Variants in PRDM8 observed in about 807,000 individuals in gnomAD.
PRDM8 encodes PR domain zinc finger protein 8.
A neutral mutation model predicts 46.5 loss-of-function variants in PRDM8; 13 were observed. That is an observed-to-expected ratio of 0.28 (90% CI 0.18 to 0.44). The LOEUF (loss-of-function observed/expected upper bound fraction) is 0.44, where lower values mean the gene tolerates loss of function less well. PRDM8 is among the 20% of genes least tolerant of loss of function. The pLI is 1.00. For synonymous variants in PRDM8, 473 were observed against 438.4 expected (o/e 1.08, Z -0.98); for missense variants, 998 against 955.0 (o/e 1.04, Z -0.59).
In PRDM8 at chr4:80,203,055, C is replaced by G. The variant is rs945000597; in HGVS notation, c.1593C>G (p.Gly531=). 6.4e-7 allele frequency: 1 copy of G among 1,560,436 alleles called. No homozygotes were observed. The highest frequency in any genetic ancestry group is 8.6e-7 in the Non-Finnish European group (1 of 1,162,762). ...GALEPCHPAD[G]VGPTRLYPAA... ...TCGAGCCATGCCACCCCGCCGACGG[C>G]GTGGGCCCCACCAGACTCTATCCCG... The change falls in exon 4 of 4, where the codon GGC becomes GGG. Residue 531 remains glycine, a synonymous_variant. Transcript: ENST00000415738.
chr4:80,190,551 C>T (rs1298446075), intron 1 of PRDM8, among the ~76,000 whole-genome samples: 1 of 152,226 alleles, frequency 6.6e-6, no homozygotes, highest in East Asian at 1.9e-4. Flanking sequence ...GTGTCTGCGC[C>T]TCCTGATACT....
In PRDM8 at chr4:80,202,482, C is replaced by T. The variant is rs1458285670; in HGVS notation, c.1020C>T (p.Pro340=). The change falls in exon 4 of 4, where the codon CCC becomes CCT. Residue 340 remains proline (P), a synonymous_variant. Transcript: ENST00000415738. The stretch of plus-strand genomic sequence containing the variant: ...GCCGGGGCCGCTTCGTAGAGCGGCC[C>T]CTCCCGGCCTCCAAGGAGGATCTGG... ...VGGRGRFVER[P]LPASKEDLVC... 1.3e-6 allele frequency: 2 copies of T among 1,542,166 alleles called. No individual in the cohort carries two copies. Among genetic ancestry groups the T allele is most frequent in the Non-Finnish European group, 1.7e-6 (2 of 1,146,492 alleles).
In PRDM8 at chr4:80,201,535, C is replaced by G. The variant is rs988824211; in HGVS notation, c.451+14C>G. 1 of 1,609,878 alleles carries G rather than the reference C, an allele frequency of 6.2e-7. No individual in the cohort carries two copies. Among genetic ancestry groups the G allele is most frequent in the Non-Finnish European group, 8.5e-7 (1 of 1,176,326 alleles). On this transcript the variant is annotated intron_variant, in intron 3 of 3. Transcript: ENST00000415738. ...ACAAAATGAATGGTAGGTTGGCTCG[C>G]GACCGGCGTGTGGGCCCTTAACTAG...
intron 3 of PRDM8, among the ~76,000 whole-genome samples, 195 bp from the exon 4 acceptor site, chr4:80,201,719 C>G (rs1738469521): frequency 6.6e-6 from 1 of 152,134 alleles, no homozygotes; most frequent in African/African-American, 2.4e-5. Flanking sequence ...TTGCTGTATT[C>G]CCTCCAAATC....
At chr4:80,198,996 T>TGG (rs1738208168) in intron 1 of PRDM8, among the ~76,000 whole-genome samples, 3 of 49,166 alleles carry the variant, frequency 6.1e-5, no homozygotes, top group Non-Finnish European at 1.4e-4. Context: ...TTTTTTTTGT[T>TGG]TTTTTTTTTT....
intron 3 of PRDM8, 46 bp from the exon 4 acceptor site, chr4:80,201,868 G>T: frequency 3.1e-6 from 5 of 1,606,288 alleles, no homozygotes; most frequent in African/African-American, 1.4e-5. Context: ...GCGTGTGTGT[G>T]TGTGTGTGCG....
At chr4:80,196,644 A>T, upstream of PRDM8, 1 of 980,350 alleles carries the variant, frequency 1.0e-6, no homozygotes, top group African/African-American at 1.7e-5. Context: ...CCCAACCCCA[A>T]GACCTCAGAG....
chr4:80,202,679 G>C lies in PRDM8; in HGVS notation c.1217G>C (p.Gly406Ala). 1 of 1,416,854 alleles carries C rather than the reference G, an allele frequency of 7.1e-7. No homozygotes were observed. The highest frequency in any genetic ancestry group is 2.0e-4 in the Middle Eastern group (1 of 4,952). 87.8% of individuals were successfully genotyped at this position (1,416,854 alleles called of 1,614,324 possible). A position where few individuals can be genotyped will look rare whatever the true frequency, so the allele number is the denominator to read the frequency against. Reference sequence around the variant, plus strand: ...CTGCAGGAGGAGGGGACAGCCGACGGCGCGGGAGTCGCCTCCGAGGACCAG... The same window carrying C: ...CTGCAGGAGGAGGGGACAGCCGACGCCGCGGGAGTCGCCTCCGAGGACCAG... ...ASLQEEGTAD[G>A]AGVASEDQDA... Residue 406 changes from glycine (G) to alanine (A), a missense_variant, in exon 4 of 4, where the codon GGC (glycine) becomes GCC (alanine). Transcript: ENST00000415738.
At position 80,202,621 on chromosome 4, in the gene PRDM8, G is replaced by C; in HGVS notation, c.1159G>C (p.Val387Leu). Residue 387 changes from valine to leucine, a missense_variant, in exon 4 of 4, where the codon GTG (valine) becomes CTG (leucine). Physicochemically the swap from Val to Leu is conservative, Grantham distance 32 (BLOSUM62 1). Transcript: ENST00000415738. ...ETGEAKRSAF[V>L]EVKKAARAAS... ...GGGCGAGGCGAAGCGCAGCGCCTTCGTGGAGGTGAAGAAGGCTGCCCGCGC... is the reference window on the plus strand; with the variant it reads ...GGGCGAGGCGAAGCGCAGCGCCTTCCTGGAGGTGAAGAAGGCTGCCCGCGC... The C allele has an allele frequency of 6.5e-7, 1 of 1,529,924 alleles. No individual in the cohort carries two copies. Among genetic ancestry groups the C allele is most frequent in the Non-Finnish European group, 8.7e-7 (1 of 1,144,442 alleles). 94.8% of individuals were successfully genotyped at this position (1,529,924 alleles called of 1,614,324 possible).
At chr4:80,195,806 T>G (rs1225651388), upstream of PRDM8, among the ~76,000 whole-genome samples, 1 of 152,060 alleles carries the variant, frequency 6.6e-6, no homozygotes, top group Non-Finnish European at 1.5e-5. Context: ...TCTGAATATA[T>G]GGGGATTTTG....
intron 2 of PRDM8, among the ~76,000 whole-genome samples, chr4:80,200,788 A>T (rs1560474718): frequency 6.6e-6 from 1 of 152,232 alleles, no homozygotes; most frequent in Non-Finnish European, 1.5e-5. Context: ...GCATCATCAA[A>T]TCCATATGTC....
At chr4:80,197,378 G>T, upstream of PRDM8, 2 of 973,916 alleles carry the variant, frequency 2.1e-6, no homozygotes, top group South Asian at 9.5e-5. Context: ...AAAAAGCTGC[G>T]AGGCAGGCGG....
At chr4:80,198,083 C>G (rs1024670299) in intron 1 of PRDM8, among the ~76,000 whole-genome samples, 6 of 152,208 alleles carry the variant, frequency 3.9e-5, no homozygotes, top group Non-Finnish European at 8.8e-5. Context: ...GGATAAGAAC[C>G]TGGGCCTAGA....
intron 1 of PRDM8, among the ~76,000 whole-genome samples, chr4:80,191,115 C>A (rs1281079217): frequency 1.3e-5 from 2 of 152,168 alleles, no homozygotes; most frequent in South Asian, 4.1e-4. Flanking sequence ...ATGAAAACAT[C>A]CAAAAAAGAG....
In PRDM8 at chr4:80,203,052, C is replaced by G. The variant is rs763088636; in HGVS notation, c.1590C>G (p.Asp530Glu). The G allele has an allele frequency of 1.1e-5, 17 of 1,557,486 alleles. No homozygotes were observed. The highest frequency in any genetic ancestry group is 1.8e-4 in the Middle Eastern group (1 of 5,440). The change falls in exon 4 of 4, where the codon GAC becomes GAG. Residue 530 changes from aspartate (D) to glutamate (E), a missense_variant. Coordinates refer to ENST00000415738, the MANE Select transcript of PRDM8 (RefSeq NM_001099403.2). ...CGCTCGAGCCATGCCACCCCGCCGACGGCGTGGGCCCCACCAGACTCTATC... is the reference window on the plus strand; with the variant it reads ...CGCTCGAGCCATGCCACCCCGCCGAGGGCGTGGGCCCCACCAGACTCTATC... ...LGALEPCHPA[D>E]GVGPTRLYPA... is the part of the protein sequence containing the mutation.
chr4:80,196,359 G>T (rs1013767175), upstream of PRDM8: 106 of 985,380 alleles, frequency 1.1e-4, no homozygotes, highest in Non-Finnish European at 1.2e-4. Context: ...TAGGAGTAGA[G>T]AATTGAACTG....
chr4:80,202,495 A>G lies in PRDM8; in HGVS notation c.1033A>G (p.Lys345Glu). 2 of 1,430,226 alleles carry G rather than the reference A, an allele frequency of 1.4e-6. No homozygotes were observed. The highest frequency in any genetic ancestry group is 9.3e-7 in the Non-Finnish European group (1 of 1,079,272). 88.6% of individuals were successfully genotyped at this position (1,430,226 alleles called of 1,614,324 possible). ...RFVERPLPAS[K>E]EDLVCTPQQY... ...CGTAGAGCGGCCCCTCCCGGCCTCCAAGGAGGATCTGGTGTGCACACCGCA... is the reference window on the plus strand; with the variant it reads ...CGTAGAGCGGCCCCTCCCGGCCTCCGAGGAGGATCTGGTGTGCACACCGCA... The change falls in exon 4 of 4, where the codon AAG becomes GAG. Residue 345 changes from lysine (K) to glutamate (E), a missense_variant. Lys to Glu is a moderately conservative substitution (Grantham distance 56). Transcript: ENST00000415738.
chr4:80,198,998 T>G (rs569940622), intron 1 of PRDM8, among the ~76,000 whole-genome samples: 7 of 118,308 alleles, frequency 5.9e-5, no homozygotes, highest in South Asian at 2.7e-4. Flanking sequence ...TTTTTTGTTT[T>G]TTTTTTTTTT....
chr4:80,201,270 T>C lies in PRDM8; in HGVS notation c.220-20T>C, dbSNP rs765904617. ...CTCCCCCTCTCCTTCTTGTCTTCTT[T>C]CATTTATTTCAAACCGCAGGTAGAC... is the stretch of plus-strand genomic sequence containing the variant. On this transcript the variant is annotated intron_variant, in intron 2 of 3. Transcript: ENST00000415738. 17 of 1,608,814 alleles carry C rather than the reference T, an allele frequency of 1.1e-5. No homozygotes were observed. Among genetic ancestry groups the C allele is most frequent in the Non-Finnish European group, 1.4e-5 (17 of 1,175,324 alleles).
Sources: gnomAD v4.1 joint callset for allele counts (sites outside exome capture counted in the v4.1 genomes callset) on GRCh38, gnomAD v4.1.1 for gene constraint, MANE v1.5 for transcripts, NCBI Gene and HGNC (gene_info 2026-07-23, HGNC 2026-07-21) for gene names.